VWF: variants seen among roughly 807,000 people sequenced by gnomAD.
The protein encoded by VWF is Factor VIII related antigen.
A neutral mutation model predicts 308.6 loss-of-function variants in VWF; 176 were observed. That is an observed-to-expected ratio of 0.57 (90% CI 0.50 to 0.65). The LOEUF (loss-of-function observed/expected upper bound fraction) is 0.65. VWF is among the 30% of genes least tolerant of loss of function. The probability of loss-of-function intolerance (pLI) is 0.00; values close to 1 mark genes in which losing one functional copy is unlikely to be tolerated. For synonymous variants in VWF, 1,385 were observed against 1,443.4 expected (o/e 0.96, Z 0.92); for missense variants, 3,146 against 3,648.2 (o/e 0.86, Z 3.55).
intron 34 of VWF, among the ~76,000 whole-genome samples, chr12:6,004,696 CAT>C (rs1943907889): frequency 6.8e-6 from 1 of 146,512 alleles, no homozygotes; most frequent in Non-Finnish European, 1.5e-5. Flanking sequence ...ATGGAATTAA[CAT>C]ATACAGATAT....
rs1224903650 is a variant in VWF at position 5,996,335 on chromosome 12, G to T, written c.5843-113C>A. The T allele has an allele frequency of 7.5e-6, 7 of 930,662 alleles. No individual in the cohort carries two copies. In the Admixed American group the frequency reaches 1.2e-4, roughly 16 times the overall value. The allele number at this position is 930,662 out of a possible 1,614,324, so 57.7% of individuals were successfully genotyped here. A position where few individuals can be genotyped will look rare whatever the true frequency, so the allele number is the denominator to read the frequency against. On this transcript the variant is annotated intron_variant, in intron 34 of 51. Coordinates refer to ENST00000261405, the MANE Select transcript of VWF (RefSeq NM_000552.5). Reference sequence around the variant, plus strand: ...ACACAGATAAATACAGTAGAGAATGGAACAGGCCCTTTGAGGTCATATAGA... The same window carrying T: ...ACACAGATAAATACAGTAGAGAATGTAACAGGCCCTTTGAGGTCATATAGA...
chr12:6,094,691 T>C (rs1019904573), intron 6 of VWF, among the ~76,000 whole-genome samples: 1 of 152,018 alleles, frequency 6.6e-6, no homozygotes, highest in Non-Finnish European at 1.5e-5. Flanking sequence ...AAGAGGCAGA[T>C]GAGAGCACTT....
chr12:5,997,344 A>G (rs546236306), intron 34 of VWF, among the ~76,000 whole-genome samples: 2 of 152,372 alleles, frequency 1.3e-5, no homozygotes, highest in South Asian at 4.1e-4. Flanking sequence ...CCCAACTGCC[A>G]TAAGGATGGA....
At chr12:6,043,826 C>A (rs1944417697) in intron 18 of VWF, among the ~76,000 whole-genome samples, 1 of 152,194 alleles carries the variant, frequency 6.6e-6, no homozygotes, top group Non-Finnish European at 1.5e-5. Context: ...ACTTGTTGGG[C>A]CCATGGCTTG....
In VWF at chr12:6,081,703, G is replaced by A. The variant is rs115535444; in HGVS notation, c.658-6152C>T. Among the ~76,000 whole-genome samples, 1,104 of 152,236 alleles carry A rather than the reference G, an allele frequency of 7.3e-3. 11 individuals carry two copies. The highest frequency in any genetic ancestry group is 0.025 in the African/African-American group (1,031 of 41,546). ...GGACTCCCAAGATCCTTTCAGCAGT[G>A]CACGAGGTCAAAACTGTTTTTATAA... On this transcript the variant is annotated intron_variant, in intron 6 of 51. Coordinates refer to ENST00000261405, the MANE Select transcript of VWF (RefSeq NM_000552.5).
intron 18 of VWF, among the ~76,000 whole-genome samples, chr12:6,041,587 T>C (rs1349713174): frequency 6.6e-6 from 1 of 151,856 alleles, no homozygotes. Context: ...TAGCTGGGAC[T>C]ACAGGCGCCC....
At chr12:5,976,956 AG>A (rs1943540851) in intron 42 of VWF, among the ~76,000 whole-genome samples, 1 of 152,220 alleles carries the variant, frequency 6.6e-6, no homozygotes, top group Non-Finnish European at 1.5e-5. Flanking sequence ...ACTTAATGAC[AG>A]TTTTGAAATT....
chr12:6,036,557 GCTCCA>G, intron 18 of VWF, 66 bp from the exon 19 acceptor site: 1 of 1,450,154 alleles, frequency 6.9e-7, no homozygotes, highest in Non-Finnish European at 9.6e-7. Context: ...CCTCCAGCCC[GCTCCA>G]GGAAGTGTTG....
Position 6,019,371 on chromosome 12 carries a change from A to G in VWF, c.4047T>C (p.Tyr1349=), listed in dbSNP as rs1358287195. The G allele has an allele frequency of 2.5e-6, 4 of 1,613,926 alleles. No individual in the cohort carries two copies. The highest frequency in any genetic ancestry group is 2.2e-5 in the East Asian group (1 of 44,870). Residue 1349 remains tyrosine, a synonymous_variant, in exon 28 of 52, where the codon TAT becomes TAC. Coordinates refer to ENST00000261405, the MANE Select transcript of VWF (RefSeq NM_000552.5). This position sits in a 1 kb window ranked among gnomAD's most constrained non-coding sequence, Gnocchi z 5.8. ...ELRRIASQVK[Y]AGSQVASTSE... The stretch of plus-strand genomic sequence containing the variant: ...TGGTGGAGGCCACCTGGCTGCCCGC[A>G]TACTTCACCTGGCTGGCAATGCGCC...
At chr12:5,983,794 G>GAGATAGAT (rs11268064) in intron 40 of VWF, among the ~76,000 whole-genome samples, 5,434 of 148,732 alleles carry the variant, frequency 0.037, 125 homozygotes, top group African/African-American at 0.061. Context: ...AGATACAATA[G>GAGATAGAT]AGATAGATAG....
At chr12:6,100,766 T>C (rs1310847597) in intron 5 of VWF, among the ~76,000 whole-genome samples, 1 of 152,110 alleles carries the variant, frequency 6.6e-6, no homozygotes, top group Non-Finnish European at 1.5e-5. Context: ...TGGGGAGGGA[T>C]AGCATTAGGA....
At chr12:6,076,373 T>C (rs1438748798) in intron 6 of VWF, among the ~76,000 whole-genome samples, 1 of 152,238 alleles carries the variant, frequency 6.6e-6, no homozygotes, top group East Asian at 1.9e-4. Flanking sequence ...GTAACATCTC[T>C]GAAGTTGGAT....
chr12:5,983,377 T>A, intron 40 of VWF, 123 bp from the exon 41 acceptor site: 1 of 842,348 alleles, frequency 1.2e-6, no homozygotes, highest in East Asian at 3.1e-5. Flanking sequence ...GTGATGATGA[T>A]GGAGACAGAG....
At chr12:6,062,149 C>G (rs1355250034) in intron 13 of VWF, among the ~76,000 whole-genome samples, 1 of 151,960 alleles carries the variant, frequency 6.6e-6, no homozygotes, top group Non-Finnish European at 1.5e-5. Flanking sequence ...ATCTTGAGGT[C>G]CTCAATAATT....
chr12:6,095,938 C>T (rs7965760), intron 5 of VWF: 2 of 356,958 alleles, frequency 5.6e-6, no homozygotes, highest in Non-Finnish European at 1.1e-5. Context: ...TCCCCAGTAG[C>T]TGGGAATGCA....
intron 47 of VWF, among the ~76,000 whole-genome samples, chr12:5,956,638 C>T (rs1943254104): frequency 7.1e-6 from 1 of 140,568 alleles, no homozygotes; most frequent in Non-Finnish European, 1.5e-5. Flanking sequence ...GAGACCCTGT[C>T]TCGAAAAAAA....
intron 42 of VWF, among the ~76,000 whole-genome samples, chr12:5,977,283 C>T (rs1203231358): frequency 6.6e-6 from 1 of 152,202 alleles, no homozygotes; most frequent in East Asian, 1.9e-4. Flanking sequence ...ATGCACACGG[C>T]TGTTTGTTAC....
At chr12:6,025,066 G>A (rs985749056) in intron 24 of VWF, among the ~76,000 whole-genome samples, 15 of 151,722 alleles carry the variant, frequency 9.9e-5, no homozygotes, top group Admixed American at 6.6e-4. Context: ...TTAACCTTGC[G>A]GAATTCCTCC....
chr12:6,115,500 T>C (rs1487591325), intron 3 of VWF, among the ~76,000 whole-genome samples: 2 of 152,148 alleles, frequency 1.3e-5, no homozygotes, highest in Non-Finnish European at 2.9e-5. Context: ...ACGTTTCATA[T>C]CATATTTACC....
Sources: allele counts gnomAD v4.1 joint callset (sites outside exome capture counted in the v4.1 genomes callset), GRCh38; gene constraint gnomAD v4.1.1; non-coding constraint Gnocchi (gnomAD v3.1); transcripts MANE v1.5; gene names NCBI Gene and HGNC (gene_info 2026-07-23, HGNC 2026-07-21).